Variants in SLC38A11 observed in about 807,000 individuals in gnomAD.
SLC38A11 encodes the protein solute carrier family 38 member 11, also known as putative sodium-coupled neutral amino acid transporter 11.
In SLC38A11, 51 loss-of-function variants were observed where a neutral mutation model predicts 49.4. That is an observed-to-expected ratio of 1.03 (90% confidence interval 0.83 to 1.30). The LOEUF (loss-of-function observed/expected upper bound fraction) is 1.30, where lower values mean the gene tolerates loss of function less well. Ranked by LOEUF, SLC38A11 falls within the 50% of genes most tolerant of loss-of-function variation. The probability of loss-of-function intolerance (pLI) is 0.00; values close to 1 mark genes in which losing one functional copy is unlikely to be tolerated. For missense variants in SLC38A11, 574 were observed against 556.2 expected (o/e 1.03, Z -0.32); for synonymous variants, 203 against 192.9 (o/e 1.05, Z -0.43).
chr2:164,929,646 C>T (rs1034128844), intron 7 of SLC38A11, among the ~76,000 whole-genome samples: 1 of 152,142 alleles, frequency 6.6e-6, no homozygotes, highest in African/African-American at 2.4e-5. Flanking sequence ...TAATTGAGCT[C>T]TTAAATCCAA....
intron 7 of SLC38A11, among the ~76,000 whole-genome samples, chr2:164,935,177 CT>C (rs1203671243): frequency 0.024 from 3,435 of 143,238 alleles, 52 homozygotes; most frequent in Middle Eastern, 0.086. Flanking sequence ...GATTTTTCTT[CT>C]TTTTTTTTTT....
chr2:164,896,936 A>G lies in SLC38A11; in HGVS notation c.*1501T>C, dbSNP rs1684388031. ...CATTTGATTTGTACAAACTCATCAT[A>G]TATGTATTAACTCTGCTTGTGATAG... is the stretch of plus-strand genomic sequence containing the variant. On this transcript the variant is annotated 3_prime_UTR_variant, in exon 12 of 12. Coordinates refer to ENST00000685975, the MANE Select transcript of SLC38A11 (RefSeq NM_001351537.2). The G allele has an allele frequency of 6.6e-6, 1 of 152,016 alleles. No individual in the cohort carries two copies. Among genetic ancestry groups the G allele is most frequent in the South Asian group, 2.1e-4 (1 of 4,826 alleles). The allele number at this position is 152,016 out of a possible 1,614,324, so 9.4% of individuals were successfully genotyped here.
intron 10 of SLC38A11, among the ~76,000 whole-genome samples, chr2:164,911,220 A>T (rs1027117427): frequency 6.6e-6 from 1 of 152,108 alleles, no homozygotes; most frequent in Non-Finnish European, 1.5e-5. Flanking sequence ...CCTTTAATAC[A>T]TGTTGACTGA....
At chr2:164,930,003 A>C (rs1227418938) in intron 7 of SLC38A11, among the ~76,000 whole-genome samples, 1 of 151,822 alleles carries the variant, frequency 6.6e-6, no homozygotes, top group Non-Finnish European at 1.5e-5. Context: ...ATAGATAGCC[A>C]GCTAGACTAA....
At chr2:164,954,778 C>A (rs768517414) in intron 1 of SLC38A11, 33 bp from the exon 2 acceptor site, 2 of 1,120,804 alleles carry the variant, frequency 1.8e-6, no homozygotes, top group South Asian at 3.2e-5. Context: ...TAAGCAAATA[C>A]TAGTTCAGAA....
In SLC38A11 at chr2:164,894,739, CTAA is replaced by C. The variant is rs1341005822; in HGVS notation, c.*3695_*3697del. Reference sequence around the variant, plus strand: ...CCATGTCCTTTGTCATTGCTCTTCACTAATATTATTGTCGTGGTTTCTCCTCTT... The same window carrying C: ...CCATGTCCTTTGTCATTGCTCTTCACTATTATTGTCGTGGTTTCTCCTCTT... On this transcript the variant is annotated 3_prime_UTR_variant, in exon 12 of 12. Coordinates refer to ENST00000685975, the MANE Select transcript of SLC38A11 (RefSeq NM_001351537.2). Among the ~76,000 whole-genome samples, 1 of 152,136 alleles carries C rather than the reference CTAA, an allele frequency of 6.6e-6. No homozygotes were observed. Among genetic ancestry groups the C allele is most frequent in the African/African-American group, 2.4e-5 (1 of 41,440 alleles).
intron 3 of SLC38A11, among the ~76,000 whole-genome samples, chr2:164,952,007 C>A (rs1372675124): frequency 6.6e-6 from 1 of 151,962 alleles, no homozygotes; most frequent in Non-Finnish European, 1.5e-5. Flanking sequence ...CACAGTGATC[C>A]TAAGGTAGAG....
Position 164,937,384 on chromosome 2 carries a change from C to A in SLC38A11, c.583G>T (p.Val195Leu). ...TGLTTLILGI[V>L]MARAISLGPH... is the part of the protein sequence containing the mutation. ...CCCAGTGAAATTGCCCTTGCCATTA[C>A]AATTCCAAGAATCAGAGTTGTTAAA... Residue 195 changes from valine (V) to leucine (L), a missense_variant, in exon 7 of 12, where the codon GTA (valine) becomes TTA (leucine). Transcript: ENST00000685975. 2.5e-6 allele frequency: 4 copies of A among 1,612,048 alleles called. No homozygotes were observed. Among genetic ancestry groups the A allele is most frequent in the Non-Finnish European group, 3.4e-6 (4 of 1,178,488 alleles).
At position 164,955,521 on chromosome 2, in the gene SLC38A11, T is replaced by A. The variant is rs1688787895; in HGVS notation, c.-274A>T. On this transcript the variant is annotated 5_prime_UTR_variant, in exon 1 of 12. Transcript: ENST00000685975. ...CCGGAGACGGAGATGCTGCAGGATGTTTCTGATCCGGGCAGCCCTGTCTCC... is the reference window on the plus strand; with the variant it reads ...CCGGAGACGGAGATGCTGCAGGATGATTCTGATCCGGGCAGCCCTGTCTCC... 1 of 510,108 alleles carries A rather than the reference T, an allele frequency of 2.0e-6. No homozygotes were observed. The highest frequency in any genetic ancestry group is 3.5e-5 in the Admixed American group (1 of 28,796). 31.6% of individuals were successfully genotyped at this position (510,108 alleles called of 1,614,324 possible).
In SLC38A11 at chr2:164,945,577, T is replaced by C; in HGVS notation, c.364+16A>G. ...TATGCACATAATTGCAATATTTATC[T>C]TCACAGTCAACTTACCTATAAAAGG... On this transcript the variant is annotated intron_variant, in intron 4 of 11. Coordinates refer to ENST00000685975, the MANE Select transcript of SLC38A11 (RefSeq NM_001351537.2). 6.3e-7 allele frequency: 1 copy of C among 1,578,316 alleles called. No individual in the cohort carries two copies. Among genetic ancestry groups the C allele is most frequent in the Non-Finnish European group, 8.5e-7 (1 of 1,170,004 alleles).
At chr2:164,941,699 A>G (rs1341000807) in intron 5 of SLC38A11, among the ~76,000 whole-genome samples, 1 of 152,144 alleles carries the variant, frequency 6.6e-6, no homozygotes, top group Non-Finnish European at 1.5e-5. Flanking sequence ...AATAAAAATT[A>G]ACAATCAAAA....
chr2:164,895,179 C>G lies in SLC38A11; in HGVS notation c.*3258G>C, dbSNP rs1448060146. On this transcript the variant is annotated 3_prime_UTR_variant, in exon 12 of 12. Coordinates refer to ENST00000685975, the MANE Select transcript of SLC38A11 (RefSeq NM_001351537.2). ...ACAAAGACTGGGCTCTTTTCTTTCT[C>G]TCCTGGTCTATGTGTTCTCTAGGTC... 6.6e-6 allele frequency among the ~76,000 whole-genome samples: 1 copy of G among 152,172 alleles called. No individual in the cohort carries two copies. Among genetic ancestry groups the G allele is most frequent in the East Asian group, 1.9e-4 (1 of 5,194 alleles).
intron 7 of SLC38A11, among the ~76,000 whole-genome samples, chr2:164,917,624 C>T (rs191416191): frequency 1.3e-5 from 2 of 152,270 alleles, no homozygotes; most frequent in East Asian, 3.9e-4. Flanking sequence ...GCAGCACTAA[C>T]AGTTGTAGAA....
chr2:164,898,730 C>A lies in SLC38A11; in HGVS notation c.1096G>T (p.Gly366Cys), dbSNP rs773433673. Residue 366 changes from glycine (G) to cysteine (C), a missense_variant and splice_region_variant, in exon 12 of 12, where the codon GGT (glycine) becomes TGT (cysteine). Transcript: ENST00000685975. ...DCLGIVLELN[G>C]VLCATPLIFI... is the part of the protein sequence containing the mutation. Reference sequence around the variant, plus strand: ...ATGAGGGGAGTTGCACAGAGCACACCCTGCATGTTGAAAACAAGAAACAAG... The same window carrying A: ...ATGAGGGGAGTTGCACAGAGCACACACTGCATGTTGAAAACAAGAAACAAG... 2 of 1,601,966 alleles carry A rather than the reference C, an allele frequency of 1.2e-6. No homozygotes were observed. The highest frequency in any genetic ancestry group is 2.7e-5 in the African/African-American group (2 of 74,468).
At chr2:164,901,061 T>C (rs1338887479) in intron 11 of SLC38A11, among the ~76,000 whole-genome samples, 3 of 152,136 alleles carry the variant, frequency 2.0e-5, no homozygotes, top group African/African-American at 7.2e-5. Context: ...AAGACTATCC[T>C]TTCCCCATTG....
At chr2:164,949,876 A>C (rs1404880380) in intron 3 of SLC38A11, 2 of 152,238 alleles carry the variant, frequency 1.3e-5, no homozygotes, top group African/African-American at 4.8e-5. Flanking sequence ...AAATGCAGCC[A>C]AACTATGAAG....
At chr2:164,904,119 CT>C (rs761225260) in intron 11 of SLC38A11, among the ~76,000 whole-genome samples, 13 of 152,130 alleles carry the variant, frequency 8.5e-5, no homozygotes, top group Non-Finnish European at 1.5e-4. Context: ...ATTTGGCTTG[CT>C]TTCTTCCTTC....
At chr2:164,941,178 G>A (rs1480866874) in intron 5 of SLC38A11, among the ~76,000 whole-genome samples, 1 of 151,882 alleles carries the variant, frequency 6.6e-6, no homozygotes, top group African/African-American at 2.4e-5. Context: ...CATTTTAAAT[G>A]TTTAAACAAC....
At chr2:164,933,853 T>G (rs962346210) in intron 7 of SLC38A11, among the ~76,000 whole-genome samples, 1 of 152,178 alleles carries the variant, frequency 6.6e-6, no homozygotes, top group Non-Finnish European at 1.5e-5. Context: ...GAACAGAAGT[T>G]GTTTGCAGTA....
Sources: gnomAD v4.1 joint callset for allele counts (sites outside exome capture counted in the v4.1 genomes callset) on GRCh38, gnomAD v4.1.1 for gene constraint, MANE v1.5 for transcripts, NCBI Gene and HGNC (gene_info 2026-07-23, HGNC 2026-07-21) for gene names.